The following DLG2 variants were observed in gnomAD, a reference collection of about 807,000 sequenced individuals.
The protein encoded by DLG2 is disks large homolog 2.
A neutral mutation model predicts 132.5 loss-of-function variants in DLG2; 45 were observed. That is an observed-to-expected ratio of 0.34 (90% CI 0.27 to 0.44). The LOEUF is 0.44. Ranked by LOEUF, DLG2 falls within the 20% of genes least tolerant of loss-of-function variation. DLG2 has a pLI of 1.00. For missense variants in DLG2, 1,045 were observed against 1,196.9 expected (o/e 0.87, Z 1.87); for synonymous variants, 424 against 419.6 (o/e 1.01, Z -0.13).
intron 21 of DLG2, among the ~76,000 whole-genome samples, chr11:83,512,408 G>A (rs978256115): frequency 6.6e-6 from 1 of 152,154 alleles, no homozygotes; most frequent in Non-Finnish European, 1.5e-5. Context: ...CAAGAAATAA[G>A]CAATAAACGA....
intron 6 of DLG2, among the ~76,000 whole-genome samples, chr11:84,846,528 C>G (rs895891011): frequency 6.6e-6 from 1 of 152,138 alleles, no homozygotes; most frequent in African/African-American, 2.4e-5. Context: ...TACAACTACT[C>G]TCACCTGTGA....
At chr11:85,484,448 C>A (rs566933817) in intron 3 of DLG2, among the ~76,000 whole-genome samples, 193 of 151,206 alleles carry the variant, frequency 1.3e-3, no homozygotes, top group Non-Finnish European at 1.9e-3. Context: ...TCGCAACCTA[C>A]TCATCTGACA....
chr11:83,896,469 T>C (rs926547498), intron 15 of DLG2, among the ~76,000 whole-genome samples: 1 of 152,236 alleles, frequency 6.6e-6, no homozygotes, highest in Non-Finnish European at 1.5e-5. Flanking sequence ...TCAAATGTCA[T>C]ATTTAAGTTA....
chr11:83,517,336 G>T (rs570307471), intron 21 of DLG2, among the ~76,000 whole-genome samples: 2 of 152,074 alleles, frequency 1.3e-5, no homozygotes, highest in African/African-American at 4.8e-5. Flanking sequence ...TTGTGCATTC[G>T]TCACGTAGTT....
At chr11:84,971,894 A>G (rs146295672) in intron 6 of DLG2, among the ~76,000 whole-genome samples, 1 of 152,308 alleles carries the variant, frequency 6.6e-6, no homozygotes, top group East Asian at 1.9e-4. Context: ...GGGAATGTCT[A>G]CTAGAGAGAA....
At chr11:83,607,975 G>A (rs1203649539) in intron 19 of DLG2, among the ~76,000 whole-genome samples, 1 of 152,200 alleles carries the variant, frequency 6.6e-6, no homozygotes, top group African/African-American at 2.4e-5. Context: ...AGGGGACAAG[G>A]TCTAGGATTG....
chr11:85,536,011 T>G (rs567496804), intron 3 of DLG2, among the ~76,000 whole-genome samples: 19 of 151,002 alleles, frequency 1.3e-4, no homozygotes, highest in Admixed American at 8.6e-4. Context: ...AGCTCAGGAG[T>G]TAGAGACCAA....
At chr11:85,600,026 C>A (rs776302465) in intron 2 of DLG2, among the ~76,000 whole-genome samples, 1 of 152,134 alleles carries the variant, frequency 6.6e-6, no homozygotes, top group African/African-American at 2.4e-5. Flanking sequence ...TTCTCTTGAA[C>A]CTTCCAACTC....
At chr11:84,039,657 G>A (rs1458524899) in intron 11 of DLG2, among the ~76,000 whole-genome samples, 64 of 74,770 alleles carry the variant, frequency 8.6e-4, no homozygotes, top group Non-Finnish European at 1.6e-3. Context: ...CTTTGCTATT[G>A]TGAATAATGC....
chr11:83,969,876 A>T (rs1329535110), intron 12 of DLG2, among the ~76,000 whole-genome samples: 1 of 152,020 alleles, frequency 6.6e-6, no homozygotes, highest in South Asian at 2.1e-4. Context: ...CCTGGCCGAT[A>T]ATGAATATTT....
intron 7 of DLG2, among the ~76,000 whole-genome samples, chr11:84,385,751 G>A (rs1055631391): frequency 6.6e-6 from 1 of 152,060 alleles, no homozygotes; most frequent in African/African-American, 2.4e-5. Flanking sequence ...TATATACCTT[G>A]AGTCCAATGG....
chr11:83,609,865 C>T (rs2059862345), intron 19 of DLG2, among the ~76,000 whole-genome samples: 1 of 152,150 alleles, frequency 6.6e-6, no homozygotes, highest in South Asian at 2.1e-4. Flanking sequence ...ATTTGCCTTT[C>T]TTGGGCAAAG....
At chr11:85,079,155 G>C (rs2066917269) in intron 6 of DLG2, among the ~76,000 whole-genome samples, 1 of 152,040 alleles carries the variant, frequency 6.6e-6, no homozygotes, top group Non-Finnish European at 1.5e-5. Flanking sequence ...AAGATTTTCT[G>C]ATTGGCAATT....
intron 3 of DLG2, among the ~76,000 whole-genome samples, chr11:85,504,772 G>C (rs1343569244): frequency 1.3e-5 from 2 of 152,026 alleles, no homozygotes; most frequent in African/African-American, 2.4e-5. Context: ...AGCTTGATGG[G>C]GATGGCATTG....
intron 5 of DLG2, among the ~76,000 whole-genome samples, chr11:85,117,384 T>A (rs2073763110): frequency 6.6e-6 from 1 of 152,070 alleles, no homozygotes; most frequent in Admixed American, 6.6e-5. Flanking sequence ...TTATGAAGAT[T>A]TTAAAAGTTA....
At chr11:84,083,658 T>C (rs1187898262) in intron 10 of DLG2, among the ~76,000 whole-genome samples, 1 of 152,200 alleles carries the variant, frequency 6.6e-6, no homozygotes, top group East Asian at 1.9e-4. Context: ...TATTGTGTAC[T>C]TGATCCTGCT....
At chr11:83,492,995 A>G (rs996361231) in intron 21 of DLG2, among the ~76,000 whole-genome samples, 1 of 152,130 alleles carries the variant, frequency 6.6e-6, no homozygotes, top group East Asian at 1.9e-4. Context: ...AATAAAACCC[A>G]AAATGTACAA....
chr11:84,106,132 T>G (rs1239322578), intron 9 of DLG2, among the ~76,000 whole-genome samples: 1 of 151,986 alleles, frequency 6.6e-6, no homozygotes, highest in Non-Finnish European at 1.5e-5. Context: ...GAAGTTAAAA[T>G]AAAGAACCAT....
chr11:84,686,054 C>T (rs997843368), intron 6 of DLG2, among the ~76,000 whole-genome samples: 18 of 152,204 alleles, frequency 1.2e-4, no homozygotes. Context: ...TTTACAAGAT[C>T]TAAAGCACTG....
Sources: allele counts gnomAD v4.1 joint callset (sites outside exome capture counted in the v4.1 genomes callset), GRCh38; gene constraint gnomAD v4.1.1; transcripts MANE v1.5; gene names NCBI Gene and HGNC (gene_info 2026-07-23, HGNC 2026-07-21).